ACER1: variants seen among roughly 807,000 people sequenced by gnomAD.
ACER1 encodes the protein CTB-180A7.3.
A neutral mutation model predicts 24.9 loss-of-function variants in ACER1; 28 were observed. The observed-to-expected ratio is 1.13, with a 90% CI of 0.83 to 1.54. The LOEUF is 1.54. ACER1 is among the 40% of genes most tolerant of loss of function. ACER1 has a pLI of 0.00. For missense variants in ACER1, 352 were observed against 349.3 expected (o/e 1.01, Z -0.06); for synonymous variants, 132 against 131.4 (o/e 1.00, Z -0.03).
upstream of ACER1, among the ~76,000 whole-genome samples, chr19:6,337,954 G>T (rs2145027225): frequency 6.6e-6 from 1 of 151,516 alleles, no homozygotes; most frequent in Non-Finnish European, 1.5e-5. Context: ...TGGGACTACA[G>T]GCGTGAGCCA....
At chr19:6,340,282 A>G in the ACER1 span, among the ~76,000 whole-genome samples, 14 of 140,426 alleles carry the variant, frequency 1.0e-4, no homozygotes, top group African/African-American at 3.8e-4. Flanking sequence ...TCTGTCTCCA[A>G]AAAAAGAAAG....
chr19:6,317,445 C>T (rs970724544), intron 1 of ACER1, among the ~76,000 whole-genome samples: 5 of 152,228 alleles, frequency 3.3e-5, no homozygotes, highest in African/African-American at 1.2e-4. Flanking sequence ...CATGCCAACG[C>T]CTCCATGCGC....
chr19:6,323,052 C>T (rs182491848), intron 1 of ACER1, among the ~76,000 whole-genome samples: 132 of 152,058 alleles, frequency 8.7e-4, no homozygotes, highest in East Asian at 8.1e-3. Context: ...GCAGAGGTTT[C>T]GGTGAACGGA....
chr19:6,347,269 G>C, the ACER1 span, among the ~76,000 whole-genome samples: 1 of 138,620 alleles, frequency 7.2e-6, no homozygotes, highest in Non-Finnish European at 1.5e-5. Flanking sequence ...CATCCAGACT[G>C]GAGTACAGTG....
intron 1 of ACER1, among the ~76,000 whole-genome samples, chr19:6,329,684 A>G (rs960829648): frequency 2.0e-5 from 3 of 151,864 alleles, no homozygotes; most frequent in African/African-American, 7.3e-5. Flanking sequence ...GGCTCAGGAC[A>G]CACTTGAATC....
At chr19:6,342,700 C>A in the ACER1 span, among the ~76,000 whole-genome samples, 1 of 151,698 alleles carries the variant, frequency 6.6e-6, no homozygotes, top group Admixed American at 6.6e-5. Context: ...GTCTGAGCAA[C>A]AGAGCAAGAC....
In ACER1 at chr19:6,306,484, G is replaced by A. The variant is rs2091552741; in HGVS notation, c.*230C>T. 1 of 494,948 alleles carries A rather than the reference G, an allele frequency of 2.0e-6. No individual in the cohort carries two copies. Among genetic ancestry groups the A allele is most frequent in the Non-Finnish European group, 3.6e-6 (1 of 277,732 alleles). 30.7% of individuals were successfully genotyped at this position (494,948 alleles called of 1,614,324 possible). ...AATGAAAGAGGATGGGGGGGGTCAT[G>A]GAGGGGAGATGCACGAGACAGCCCC... On this transcript the variant is annotated 3_prime_UTR_variant, in exon 6 of 6. Transcript: ENST00000301452.
intron 1 of ACER1, among the ~76,000 whole-genome samples, chr19:6,324,306 A>G (rs2091647759): frequency 6.7e-6 from 1 of 149,690 alleles, no homozygotes; most frequent in South Asian, 2.1e-4. Flanking sequence ...GGCCTCCCAC[A>G]GTGCTGGGAT....
the ACER1 span, among the ~76,000 whole-genome samples, chr19:6,355,674 G>A: frequency 7.1e-6 from 1 of 141,250 alleles, no homozygotes; most frequent in East Asian, 2.1e-4. Context: ...GGTGAGGGGC[G>A]CCTCTGCCCG....
At chr19:6,357,454 G>A in the ACER1 span, among the ~76,000 whole-genome samples, 1 of 151,680 alleles carries the variant, frequency 6.6e-6, no homozygotes, top group Non-Finnish European at 1.5e-5. Context: ...GGGTCAGCAG[G>A]GGGGACGGGG....
At chr19:6,343,057 G>A in the ACER1 span, among the ~76,000 whole-genome samples, 8 of 152,140 alleles carry the variant, frequency 5.3e-5, no homozygotes, top group African/African-American at 1.7e-4. Context: ...GATTACAGGC[G>A]TGAGTCACCG....
At chr19:6,336,647 C>T (rs941333050), upstream of ACER1, among the ~76,000 whole-genome samples, 3 of 151,672 alleles carry the variant, frequency 2.0e-5, no homozygotes, top group East Asian at 1.9e-4. Context: ...GGTGAAACCC[C>T]GTCTCTACTA....
At chr19:6,311,117 G>C (rs1003892891) in intron 3 of ACER1, among the ~76,000 whole-genome samples, 2 of 151,774 alleles carry the variant, frequency 1.3e-5, no homozygotes, top group African/African-American at 4.8e-5. Flanking sequence ...GCTGAGAAGA[G>C]GGATCCCTGG....
At chr19:6,351,827 C>T in the ACER1 span, among the ~76,000 whole-genome samples, 8 of 152,014 alleles carry the variant, frequency 5.3e-5, no homozygotes, top group Non-Finnish European at 7.4e-5. Context: ...GAGGCCGAGG[C>T]GGGTGGATCA....
the ACER1 span, among the ~76,000 whole-genome samples, chr19:6,339,096 G>A: frequency 2.7e-5 from 4 of 148,398 alleles, no homozygotes; most frequent in East Asian, 4.0e-4. Context: ...AGGCTGGTTT[G>A]GAACTCCTGA....
chr19:6,330,883 G>A (rs1043380094), intron 1 of ACER1, among the ~76,000 whole-genome samples: 3 of 149,526 alleles, frequency 2.0e-5, no homozygotes, highest in Admixed American at 6.6e-5. Flanking sequence ...GGGAAGCCCC[G>A]GGGTGAAAGG....
In ACER1 at chr19:6,308,822, T is replaced by G. The variant is rs1036531082; in HGVS notation, c.488+875A>C. Among the ~76,000 whole-genome samples, 43 of 152,146 alleles carry G rather than the reference T, an allele frequency of 2.8e-4. 1 individual carries two copies. Among genetic ancestry groups the G allele is most frequent in the African/African-American group, 9.7e-4 (40 of 41,420 alleles). Reference sequence around the variant, plus strand: ...AACAGATTGACAAAATGTGGGTGGTTGTTGTGGCTGGTTAGTGGGCGTGGG... The same window carrying G: ...AACAGATTGACAAAATGTGGGTGGTGGTTGTGGCTGGTTAGTGGGCGTGGG... On this transcript the variant is annotated intron_variant, in intron 4 of 5. Transcript: ENST00000301452.
intron 1 of ACER1, among the ~76,000 whole-genome samples, chr19:6,316,424 T>C (rs1242039463): frequency 6.6e-6 from 1 of 151,862 alleles, no homozygotes; most frequent in Admixed American, 6.6e-5. Context: ...GGTGACAGAG[T>C]GAAACCCTGT....
At chr19:6,307,506 G>A (rs1225165829) in intron 4 of ACER1, among the ~76,000 whole-genome samples, 1 of 152,030 alleles carries the variant, frequency 6.6e-6, no homozygotes, top group Non-Finnish European at 1.5e-5. Flanking sequence ...CTTCAAGCCA[G>A]GCATAGTAGC....
Sources: allele counts gnomAD v4.1 joint callset (sites outside exome capture counted in the v4.1 genomes callset), GRCh38; gene constraint gnomAD v4.1.1; transcripts MANE v1.5; gene names NCBI Gene and HGNC (gene_info 2026-07-23, HGNC 2026-07-21).